The following MYH10 variants were observed in gnomAD, a reference collection of about 807,000 sequenced individuals.
MYH10 encodes the protein myosin-10.
MYH10 carries 55 observed loss-of-function variants against 257.8 expected under a neutral mutation model. The ratio of observed to expected loss-of-function variants is 0.21; its 90% CI spans 0.17 to 0.27. The LOEUF (loss-of-function observed/expected upper bound fraction) is 0.27. MYH10 is among the 10% of genes least tolerant of loss of function. The probability of loss-of-function intolerance (pLI) is 1.00; values close to 1 mark genes in which losing one functional copy is unlikely to be tolerated. For missense variants in MYH10, 1,631 were observed against 2,500.6 expected (o/e 0.65, Z 7.42); for synonymous variants, 854 against 921.7 (o/e 0.93, Z 1.33).
intron 17 of MYH10, among the ~76,000 whole-genome samples, chr17:8,523,488 G>A (rs2081727393): frequency 6.6e-6 from 1 of 152,218 alleles, no homozygotes; most frequent in Admixed American, 6.5e-5. Flanking sequence ...TTAACAATGG[G>A]CCTGTGGGAA....
intron 11 of MYH10, 40 bp downstream of exon 11, chr17:8,548,273 G>A (rs1324421584): frequency 1.3e-6 from 2 of 1,491,506 alleles, no homozygotes; most frequent in East Asian, 2.3e-5. Context: ...AGCACAACAA[G>A]CCATCGAAAC....
intron 7 of MYH10, among the ~76,000 whole-genome samples, chr17:8,562,427 C>T (rs1408172090): frequency 6.6e-6 from 1 of 152,212 alleles, no homozygotes; most frequent in Non-Finnish European, 1.5e-5. Context: ...TAAATACTTT[C>T]AGAATTAACA....
intron 14 of MYH10, among the ~76,000 whole-genome samples, chr17:8,541,172 T>C (rs542569046): frequency 5.9e-5 from 9 of 152,214 alleles, no homozygotes; most frequent in Admixed American, 5.9e-4. Context: ...GTACCATCCA[T>C]GATCTCTAGC....
chr17:8,515,314 G>A (rs1333423920), intron 21 of MYH10, among the ~76,000 whole-genome samples: 1 of 152,092 alleles, frequency 6.6e-6, no homozygotes, highest in African/African-American at 2.4e-5. Flanking sequence ...TATCAGGAGT[G>A]GGAGTGTCTT....
At chr17:8,508,110 T>C (rs557374035) in intron 26 of MYH10, among the ~76,000 whole-genome samples, 1 of 152,280 alleles carries the variant, frequency 6.6e-6, no homozygotes, top group East Asian at 1.9e-4. Flanking sequence ...GGTTGCATGA[T>C]CATAGCTCAC....
At chr17:8,541,894 A>G (rs1157775275) in intron 14 of MYH10, among the ~76,000 whole-genome samples, 1 of 152,214 alleles carries the variant, frequency 6.6e-6, no homozygotes, top group Non-Finnish European at 1.5e-5. Flanking sequence ...ACAGGAATCA[A>G]GCTGCGAGGA....
intron 4 of MYH10, among the ~76,000 whole-genome samples, chr17:8,580,835 GAACA>G (rs1473934930): frequency 1.3e-5 from 2 of 151,952 alleles, no homozygotes; most frequent in Non-Finnish European, 2.9e-5. Context: ...AAGGTTAGAA[GAACA>G]TACATAAAAT....
rs1567823709 is a variant in MYH10, at chr17:8,511,061, C to CATATATATATATATATATAT, written c.2953-1113_2953-1112insATATATATATATATATATAT. The stretch of plus-strand genomic sequence containing the variant: ...ATATATATATATATATATATATATA[C>CATATATATATATATATATAT]ACACATACATACATACACACACACA... On this transcript the variant is annotated intron_variant, in intron 24 of 42. Coordinates refer to ENST00000360416, the MANE Select transcript of MYH10 (RefSeq NM_001256012.3). 55 of 65,658 alleles carry CATATATATATATATATATAT rather than the reference C, an allele frequency of 8.4e-4. 1 individual carries two copies. The highest frequency in any genetic ancestry group is 2.3e-3 in the Admixed American group (14 of 6,068). 4.1% of individuals were successfully genotyped at this position (65,658 alleles called of 1,614,324 possible). A position where few individuals can be genotyped will look rare whatever the true frequency, so the allele number is the denominator to read the frequency against.
chr17:8,508,010 A>G (rs1027118963), intron 26 of MYH10, among the ~76,000 whole-genome samples: 1 of 152,170 alleles, frequency 6.6e-6, no homozygotes, highest in Non-Finnish European at 1.5e-5. Flanking sequence ...CCATTTTATC[A>G]TCATTTCAAG....
chr17:8,501,235 AT>A (rs1310143547), intron 28 of MYH10, among the ~76,000 whole-genome samples: 2 of 152,044 alleles, frequency 1.3e-5, no homozygotes, highest in Non-Finnish European at 2.9e-5. Context: ...TGAGGCTACA[AT>A]GAGCTATGAT....
At chr17:8,629,693 G>A (rs536572967) in intron 1 of MYH10, among the ~76,000 whole-genome samples, 1 of 152,240 alleles carries the variant, frequency 6.6e-6, no homozygotes, top group African/African-American at 2.4e-5. Flanking sequence ...ACTGCGGCGA[G>A]CCATTCCCAG....
rs1470631735 is a variant in MYH10, at chr17:8,552,303, T to C, written c.821-159A>G. On this transcript the variant is annotated intron_variant, in intron 8 of 42. Coordinates refer to ENST00000360416, the MANE Select transcript of MYH10 (RefSeq NM_001256012.3). The surrounding 1 kb of genome is among the most constrained non-coding windows in gnomAD (Gnocchi z 4.8). ...AACTATTCTAAATGACTGTCTTCCA[T>C]CTGTGAAAAAAGAAAATAGGTGCAA... Among the ~76,000 whole-genome samples the C allele has an allele frequency of 1.3e-5, 2 of 152,182 alleles. No homozygotes were observed. Among genetic ancestry groups the C allele is most frequent in the African/African-American group, 4.8e-5 (2 of 41,446 alleles).
Position 8,506,709 on chromosome 17 carries a change from A to T in MYH10, c.3215-220T>A, listed in dbSNP as rs2151860232. On this transcript the variant is annotated intron_variant, in intron 26 of 42. Transcript: ENST00000360416. This position sits in a 1 kb window ranked among gnomAD's most constrained non-coding sequence, Gnocchi z 5.0. ...TTAGTGTGGGGAGGGAATTTTAAGG[A>T]AGAAGTTGAGTGTCCTAAGAATGTC... 6.6e-6 allele frequency among the ~76,000 whole-genome samples: 1 copy of T among 151,796 alleles called. No individual in the cohort carries two copies. The highest frequency in any genetic ancestry group is 2.1e-4 in the South Asian group (1 of 4,786).
rs573608440 is a variant in MYH10, at chr17:8,480,330, AGAG to A, written c.5389-15_5389-13del. The A allele has an allele frequency of 1.0e-3, 1,677 of 1,613,414 alleles. 1 individual carries two copies. Among genetic ancestry groups the A allele is most frequent in the Middle Eastern group, 2.1e-3 (13 of 6,062 alleles). ...TTCAGTGTGTCCACCTAGAGAGGAG[AGAG>A]GAGTTTAGTCACTTGTGCCTGAGGG... On this transcript the variant is annotated splice_polypyrimidine_tract_variant and intron_variant, in intron 39 of 42. Transcript: ENST00000360416.
intron 6 of MYH10, among the ~76,000 whole-genome samples, chr17:8,571,822 A>C (rs796822440): frequency 2.0e-5 from 3 of 150,564 alleles, no homozygotes; most frequent in African/African-American, 7.3e-5. Context: ...GCCTTCCTCC[A>C]CCCCCCCGGG....
At chr17:8,607,524 A>G (rs969383020) in intron 2 of MYH10, among the ~76,000 whole-genome samples, 1 of 152,228 alleles carries the variant, frequency 6.6e-6, no homozygotes, top group African/African-American at 2.4e-5. Context: ...TTAAGAAGGA[A>G]CATTATTAAA....
chr17:8,576,904 C>T (rs1372098043), intron 5 of MYH10, among the ~76,000 whole-genome samples: 6 of 152,170 alleles, frequency 3.9e-5, no homozygotes, highest in South Asian at 2.1e-4. Flanking sequence ...TATCTCTACC[C>T]TCCCCTCAAG....
chr17:8,521,579 T>C (rs1048694313), intron 17 of MYH10: 6 of 367,210 alleles, frequency 1.6e-5, no homozygotes, highest in Non-Finnish European at 2.5e-5. Flanking sequence ...TTCTGACTGT[T>C]ACATTTACAA....
Position 8,580,287 on chromosome 17 carries a change from T to C in MYH10, c.531-2949A>G, listed in dbSNP as rs564083959. 7.7e-4 allele frequency among the ~76,000 whole-genome samples: 117 copies of C among 152,254 alleles called. 1 individual carries two copies. The South Asian group carries it at 0.011, about 15-fold the overall frequency. ...AATCAAGTAGACGCTGAGGTTTTTT[T>C]TTTAGGTAAACTTCAAATAGTTTTT... On this transcript the variant is annotated intron_variant, in intron 4 of 42. Coordinates refer to ENST00000360416, the MANE Select transcript of MYH10 (RefSeq NM_001256012.3).
Sources: allele counts gnomAD v4.1 joint callset (sites outside exome capture counted in the v4.1 genomes callset), GRCh38; gene constraint gnomAD v4.1.1; non-coding constraint Gnocchi (gnomAD v3.1); transcripts MANE v1.5; gene names NCBI Gene and HGNC (gene_info 2026-07-23, HGNC 2026-07-21).